SYNPO2: variants seen among roughly 807,000 people sequenced by gnomAD.
SYNPO2 encodes the protein synaptopodin-2.
SYNPO2 carries 56 observed loss-of-function variants against 85.0 expected under a neutral mutation model. The observed-to-expected ratio is 0.66, with a 90% confidence interval of 0.53 to 0.82. SYNPO2 has a LOEUF of 0.82. SYNPO2 is among the 40% of genes least tolerant of loss of function. The pLI is 0.00. For missense variants in SYNPO2, 1,575 were observed against 1,534.2 expected (o/e 1.03, Z -0.44); for synonymous variants, 602 against 591.1 (o/e 1.02, Z -0.27).
At chr4:118,932,632 G>T (rs189628087) in intron 1 of SYNPO2, among the ~76,000 whole-genome samples, 1 of 152,266 alleles carries the variant, frequency 6.6e-6, no homozygotes, top group East Asian at 1.9e-4. Flanking sequence ...TATGGTTCAC[G>T]TTCGGCAGAA....
intron 1 of SYNPO2, among the ~76,000 whole-genome samples, chr4:118,897,911 T>C (rs1732600407): frequency 6.6e-6 from 1 of 152,196 alleles, no homozygotes; most frequent in Admixed American, 6.5e-5. Flanking sequence ...AAACCAAACC[T>C]GCTTTTCTTG....
At chr4:118,982,053 C>T (rs1736031480) in intron 1 of SYNPO2, among the ~76,000 whole-genome samples, 1 of 152,228 alleles carries the variant, frequency 6.6e-6, no homozygotes, top group Middle Eastern at 3.4e-3. Context: ...GTCACAGGCA[C>T]ATCACTGTAG....
intron 3 of SYNPO2, 81 bp from the exon 4 acceptor site, chr4:119,029,764 G>A: frequency 7.0e-7 from 1 of 1,421,996 alleles, no homozygotes; most frequent in Non-Finnish European, 9.3e-7. Flanking sequence ...TTTCCCCCAG[G>A]AGAGTTCATT....
At chr4:119,032,929 T>TTACC in intron 4 of SYNPO2, 1 of 905,320 alleles carries the variant, frequency 1.1e-6, no homozygotes, top group Non-Finnish European at 1.3e-6. Context: ...AAAGGTTGAT[T>TTACC]CCCACCCTCC....
At chr4:118,952,659 T>C (rs1734740060) in intron 1 of SYNPO2, among the ~76,000 whole-genome samples, 1 of 152,166 alleles carries the variant, frequency 6.6e-6, no homozygotes, top group Admixed American at 6.5e-5. Flanking sequence ...TATTTTACTA[T>C]TTCAATTGTT....
chr4:118,879,173 C>T (rs1031402221), intron 1 of SYNPO2, among the ~76,000 whole-genome samples: 2 of 152,200 alleles, frequency 1.3e-5, no homozygotes, highest in Admixed American at 6.5e-5. Flanking sequence ...GGAACAAACT[C>T]TGCACACACC....
chr4:118,950,542 T>A (rs796152871), intron 1 of SYNPO2, among the ~76,000 whole-genome samples: 5 of 152,314 alleles, frequency 3.3e-5, no homozygotes, highest in African/African-American at 1.2e-4. Flanking sequence ...GGTTCTGGGT[T>A]ATAAGAATGG....
chr4:119,037,021 T>G, intron 4 of SYNPO2: 1 of 1,375,786 alleles, frequency 7.3e-7, no homozygotes, highest in Non-Finnish European at 9.4e-7. Flanking sequence ...CTAATTTTTA[T>G]TTTTTGGTTC....
At chr4:118,943,953 C>T (rs765028803) in intron 1 of SYNPO2, among the ~76,000 whole-genome samples, 3 of 152,160 alleles carry the variant, frequency 2.0e-5, no homozygotes, top group African/African-American at 4.8e-5. Context: ...TACATACCTA[C>T]GTGGAAGTAA....
chr4:118,974,399 A>C (rs1454402268), intron 1 of SYNPO2, among the ~76,000 whole-genome samples: 1 of 152,256 alleles, frequency 6.6e-6, no homozygotes, highest in Non-Finnish European at 1.5e-5. Flanking sequence ...GGCCCAGCAG[A>C]GGCCTAGACC....
rs1013908941 is a variant in SYNPO2, at chr4:119,031,139, A to T, written c.2364A>T (p.Gln788His). 2.5e-6 allele frequency: 4 copies of T among 1,613,656 alleles called. No homozygotes were observed. The African/African-American group carries it at 5.3e-5, about 22-fold the overall frequency. The part of the protein sequence containing the change: ...PVWSPGVAPT[Q>H]PPAFPTSNPS... ...GGTCTCCAGGAGTGGCTCCCACCCA[A>T]CCTCCTGCCTTCCCCACATCCAACC... The change falls in exon 4 of 5, where the codon CAA (glutamine) becomes CAT (histidine). Residue 788 changes from glutamine to histidine, a missense_variant. By Grantham distance (24) the Gln-to-His change is conservative (BLOSUM62 0). Coordinates refer to ENST00000307142, the MANE Select transcript of SYNPO2 (RefSeq NM_133477.3).
intron 1 of SYNPO2, among the ~76,000 whole-genome samples, chr4:118,949,588 A>C (rs920174462): frequency 6.6e-6 from 1 of 151,800 alleles, no homozygotes; most frequent in African/African-American, 2.4e-5. Context: ...TAAAAAAAAA[A>C]AAAAACAAAA....
chr4:118,888,757 C>T, upstream of SYNPO2: 1 of 456,344 alleles, frequency 2.2e-6, no homozygotes, highest in Non-Finnish European at 3.9e-6. Flanking sequence ...CTTTCCTTTC[C>T]TCGAAGGTGG....
chr4:118,987,834 C>G (rs1229055851), intron 1 of SYNPO2, among the ~76,000 whole-genome samples: 1 of 152,058 alleles, frequency 6.6e-6, no homozygotes. Flanking sequence ...ATGTCTAGGT[C>G]TTTAACATAC....
At chr4:118,856,960 T>C (rs998532717) in intron 1 of SYNPO2, among the ~76,000 whole-genome samples, 2 of 152,076 alleles carry the variant, frequency 1.3e-5, no homozygotes, top group African/African-American at 2.4e-5. Context: ...ACTTTGCTTT[T>C]AAAACATCAA....
At chr4:118,989,689 C>A (rs571342023) in intron 1 of SYNPO2, among the ~76,000 whole-genome samples, 2 of 152,272 alleles carry the variant, frequency 1.3e-5, no homozygotes, top group African/African-American at 4.8e-5. Context: ...ATAGAAATAT[C>A]CTGTGAAGCA....
chr4:119,007,245 T>C (rs1298469825), intron 1 of SYNPO2, among the ~76,000 whole-genome samples: 2 of 35,846 alleles, frequency 5.6e-5, no homozygotes, highest in African/African-American at 1.1e-4. Context: ...TATATATATA[T>C]GTATATACAT....
At chr4:118,880,162 T>G (rs1560818075) in intron 1 of SYNPO2, among the ~76,000 whole-genome samples, 1 of 152,182 alleles carries the variant, frequency 6.6e-6, no homozygotes, top group Non-Finnish European at 1.5e-5. Flanking sequence ...TTGCTCGGAA[T>G]AAGAAGAAGG....
In SYNPO2 at chr4:119,057,907, C is replaced by T. The variant is rs530483492; in HGVS notation, c.3759C>T (p.His1253=). 1.3e-5 allele frequency: 21 copies of T among 1,613,488 alleles called. No homozygotes were observed. Among genetic ancestry groups the T allele is most frequent in the South Asian group, 6.6e-5 (6 of 90,946 alleles). Residue 1253 remains histidine, a synonymous_variant, in exon 5 of 5, where the codon CAC becomes CAT. Transcript: ENST00000307142. ...TAGCTGATTACAACTACAACCCACACCCAAGGGGATGGAGACGCCAAACAT... is the reference window on the plus strand; with the variant it reads ...TAGCTGATTACAACTACAACCCACATCCAAGGGGATGGAGACGCCAAACAT... The part of the protein sequence containing the change: ...LPVADYNYNP[H]PRGWRRQT
Sources: gnomAD v4.1 joint callset for allele counts (sites outside exome capture counted in the v4.1 genomes callset) on GRCh38, gnomAD v4.1.1 for gene constraint, MANE v1.5 for transcripts, NCBI Gene and HGNC (gene_info 2026-07-23, HGNC 2026-07-21) for gene names.